PAK1IP1: variants seen among roughly 807,000 people sequenced by gnomAD.
The protein encoded by PAK1IP1 is PAK1 interacting protein 1, also known as p21-activated protein kinase-interacting protein 1.
PAK1IP1 carries 24 observed loss-of-function variants against 42.0 expected under a neutral mutation model. The observed-to-expected ratio is 0.57, with a 90% CI of 0.41 to 0.80. PAK1IP1 has a LOEUF of 0.80. PAK1IP1 is among the 30% of genes least tolerant of loss of function. The probability of loss-of-function intolerance (pLI) is 0.00; values close to 1 mark genes in which losing one functional copy is unlikely to be tolerated. For synonymous variants in PAK1IP1, 154 were observed against 156.7 expected (o/e 0.98, Z 0.13); for missense variants, 411 against 467.9 (o/e 0.88, Z 1.12).
At position 10,709,378 on chromosome 6, in the gene PAK1IP1, TCAA is replaced by T; in HGVS notation, c.1107_1109del (p.Thr370del). 1 of 1,613,118 alleles carries T rather than the reference TCAA, an allele frequency of 6.2e-7. No homozygotes were observed. The highest frequency in any genetic ancestry group is 8.5e-7 in the Non-Finnish European group (1 of 1,179,684). ...AGCAACAAAAGAAAGTGGCCTGATA[TCAA>T]CCAAGAAGAGGAAAATGGTAGAAAT... On this transcript the variant is annotated inframe_deletion, in exon 10 of 10. Coordinates refer to ENST00000379568, the MANE Select transcript of PAK1IP1 (RefSeq NM_017906.3).
chr6:10,707,824 A>G (rs1162056454), intron 8 of PAK1IP1, among the ~76,000 whole-genome samples: 1 of 152,180 alleles, frequency 6.6e-6, no homozygotes. Context: ...TGCTAAAAGT[A>G]ATTTGGAAGC....
chr6:10,696,671 G>T (rs1333416164), intron 1 of PAK1IP1, among the ~76,000 whole-genome samples: 1 of 152,170 alleles, frequency 6.6e-6, no homozygotes, highest in Non-Finnish European at 1.5e-5. Flanking sequence ...CACTGGGCGC[G>T]GTGGCTCATG....
upstream of PAK1IP1, among the ~76,000 whole-genome samples, chr6:10,694,106 C>A (rs1490057231): frequency 2.0e-5 from 3 of 151,818 alleles, no homozygotes; most frequent in African/African-American, 7.3e-5. Context: ...CTAAAAAATA[C>A]AAAATTAGCC....
chr6:10,691,213 G>A (rs1769266154), upstream of PAK1IP1, among the ~76,000 whole-genome samples: 1 of 152,196 alleles, frequency 6.6e-6, no homozygotes, highest in African/African-American at 2.4e-5. Flanking sequence ...AATTGTAGCA[G>A]GACAAGCCGC....
chr6:10,706,293 A>C (rs1770203351), intron 7 of PAK1IP1, among the ~76,000 whole-genome samples: 2 of 152,140 alleles, frequency 1.3e-5, no homozygotes, highest in South Asian at 4.1e-4. Flanking sequence ...GGTGTATTTT[A>C]GGAGCAGATA....
At chr6:10,701,819 G>C (rs1770036161) in intron 2 of PAK1IP1, among the ~76,000 whole-genome samples, 1 of 152,192 alleles carries the variant, frequency 6.6e-6, no homozygotes, top group African/African-American at 2.4e-5. Flanking sequence ...AAGACATAAA[G>C]CAAGGACGTG....
upstream of PAK1IP1, chr6:10,694,598 AAGC>A: frequency 5.8e-6 from 1 of 172,162 alleles, no homozygotes; most frequent in Non-Finnish European, 1.3e-5. Context: ...TACAGCCCCT[AAGC>A]AACCGGCCGG....
upstream of PAK1IP1, among the ~76,000 whole-genome samples, chr6:10,693,051 C>G (rs1034646855): frequency 1.3e-5 from 2 of 152,202 alleles, no homozygotes; most frequent in African/African-American, 4.8e-5. Context: ...TTACTTCAAG[C>G]CTCCTTGCTT....
At chr6:10,694,935 T>A, upstream of PAK1IP1, 1 of 1,045,356 alleles carries the variant, frequency 9.6e-7, no homozygotes, top group Non-Finnish European at 1.4e-6. Context: ...TTTCCGGTTC[T>A]GTCACCTCCA....
intron 2 of PAK1IP1, among the ~76,000 whole-genome samples, chr6:10,700,749 G>A (rs1356694334): frequency 2.6e-5 from 4 of 152,086 alleles, no homozygotes; most frequent in Non-Finnish European, 2.9e-5. Context: ...TTTAGATTGG[G>A]GGGTGAATGA....
At chr6:10,698,107 G>C (rs1422341094) in intron 2 of PAK1IP1, among the ~76,000 whole-genome samples, 1 of 152,208 alleles carries the variant, frequency 6.6e-6, no homozygotes, top group East Asian at 1.9e-4. Flanking sequence ...AGTGTGAGGA[G>C]CACAAGTAGT....
chr6:10,706,892 A>G (rs77954705), intron 7 of PAK1IP1, among the ~76,000 whole-genome samples: 2 of 141,312 alleles, frequency 1.4e-5, no homozygotes, highest in Non-Finnish European at 3.1e-5. Flanking sequence ...GCTCCATCTC[A>G]AAAAAAAAAA....
At chr6:10,701,471 T>C (rs1304517615) in intron 2 of PAK1IP1, among the ~76,000 whole-genome samples, 1 of 152,256 alleles carries the variant, frequency 6.6e-6, no homozygotes, top group Non-Finnish European at 1.5e-5. Flanking sequence ...CATTCCTTTT[T>C]ATGGGTGCAT....
chr6:10,691,557 C>T (rs559001819), upstream of PAK1IP1, among the ~76,000 whole-genome samples: 74 of 152,128 alleles, frequency 4.9e-4, no homozygotes, highest in African/African-American at 1.7e-3. Flanking sequence ...AGTGTGGTGC[C>T]GAGCTGTCTG....
chr6:10,699,907 C>A (rs1769973023), intron 2 of PAK1IP1, among the ~76,000 whole-genome samples: 2 of 152,172 alleles, frequency 1.3e-5, no homozygotes, highest in South Asian at 4.1e-4. Context: ...GATTAAGGCA[C>A]CAGCAGATTT....
intron 8 of PAK1IP1, among the ~76,000 whole-genome samples, chr6:10,708,352 G>A (rs1770268290): frequency 6.6e-6 from 1 of 152,000 alleles, no homozygotes; most frequent in South Asian, 2.1e-4. Context: ...TCATGTTATA[G>A]CATATGTTAG....
In PAK1IP1 at chr6:10,703,435, A is replaced by T. The variant is rs759010995; in HGVS notation, c.474A>T (p.Ala158=). 3 of 1,611,118 alleles carry T rather than the reference A, an allele frequency of 1.9e-6. No individual in the cohort carries two copies. The highest frequency in any genetic ancestry group is 1.7e-6 in the Non-Finnish European group (2 of 1,177,894). Residue 158 remains alanine, a synonymous_variant, in exon 5 of 10, where the codon GCA becomes GCT. Transcript: ENST00000379568. ...GGAATCTTGTAGAAGGAAGATCAGC[A>T]TTCATAAAAAATATAAAACAAAGTG... is the stretch of plus-strand genomic sequence containing the variant. The part of the protein sequence containing the change: ...RTWNLVEGRS[A]FIKNIKQNAH...
intron 2 of PAK1IP1, among the ~76,000 whole-genome samples, chr6:10,700,884 G>C (rs1770006735): frequency 6.6e-6 from 1 of 151,910 alleles, no homozygotes; most frequent in Admixed American, 6.6e-5. Context: ...TTGTTACGTA[G>C]GTAAACGTCC....
At chr6:10,693,360 A>G (rs1246551864), upstream of PAK1IP1, among the ~76,000 whole-genome samples, 2 of 152,228 alleles carry the variant, frequency 1.3e-5, no homozygotes, top group Non-Finnish European at 2.9e-5. Flanking sequence ...CTCCATGCTG[A>G]CTTTTCTTCG....
Sources: allele counts gnomAD v4.1 joint callset (sites outside exome capture counted in the v4.1 genomes callset), GRCh38; gene constraint gnomAD v4.1.1; transcripts MANE v1.5; gene names NCBI Gene and HGNC (gene_info 2026-07-23, HGNC 2026-07-21).